Variants in KIZ observed in about 807,000 individuals in gnomAD.
The protein encoded by KIZ is centrosomal protein kizuna.
In KIZ, 68 loss-of-function variants were observed where a neutral mutation model predicts 79.6. That is an observed-to-expected ratio of 0.85 (90% CI 0.70 to 1.05). KIZ has a LOEUF of 1.05. KIZ is among the 50% of genes least tolerant of loss of function. The pLI is 0.00. For missense variants in KIZ, 797 were observed against 800.4 expected (o/e 1.00, Z 0.05); for synonymous variants, 280 against 281.8 (o/e 0.99, Z 0.06).
chr20:21,215,438 T>C (rs2036245770), intron 8 of KIZ, 145 bp from the exon 9 acceptor site: 1 of 419,374 alleles, frequency 2.4e-6, no homozygotes, highest in South Asian at 4.7e-5. Context: ...TTAGAATAGG[T>C]TTCCTTTTAG....
In KIZ at chr20:21,212,059, A is replaced by T. The variant is rs2036091181; in HGVS notation, c.1447-2476A>T. Among the ~76,000 whole-genome samples, 5 of 152,354 alleles carry T rather than the reference A, an allele frequency of 3.3e-5. 1 individual carries two copies. In the South Asian group the frequency reaches 8.3e-4, roughly 25 times the overall value. ...AGCCAAGATCCCGCCACTGCACTCCAGCTTGGGCAAGAGAGAGAGACTCTG... is the reference window on the plus strand; with the variant it reads ...AGCCAAGATCCCGCCACTGCACTCCTGCTTGGGCAAGAGAGAGAGACTCTG... On this transcript the variant is annotated intron_variant, in intron 7 of 12. Coordinates refer to ENST00000619189, the MANE Select transcript of KIZ (RefSeq NM_018474.6).
At chr20:21,138,137 C>T (rs997688232) in intron 3 of KIZ, among the ~76,000 whole-genome samples, 6 of 152,162 alleles carry the variant, frequency 3.9e-5, no homozygotes, top group Non-Finnish European at 8.8e-5. Context: ...CTTATTTTTC[C>T]AGACTAGGAG....
chr20:21,130,633 CT>C (rs951473358), intron 1 of KIZ, among the ~76,000 whole-genome samples: 9 of 149,562 alleles, frequency 6.0e-5, no homozygotes, highest in Middle Eastern at 3.5e-3. Context: ...TCCTTTTAAT[CT>C]TTTTTTTTTC....
chr20:21,154,265 T>G (rs2033264020), intron 4 of KIZ: 1 of 152,212 alleles, frequency 6.6e-6, no homozygotes, highest in South Asian at 2.1e-4. Context: ...GTGTAACTTT[T>G]TTTTCAAAGT....
chr20:21,172,604 A>C (rs1215086146), intron 6 of KIZ, among the ~76,000 whole-genome samples: 1 of 152,144 alleles, frequency 6.6e-6, no homozygotes, highest in Non-Finnish European at 1.5e-5. Context: ...GTCTCAAAAA[A>C]AAAAAGTATT....
chr20:21,225,412 T>C (rs1452854901), intron 9 of KIZ, among the ~76,000 whole-genome samples: 3 of 152,168 alleles, frequency 2.0e-5, no homozygotes, highest in East Asian at 1.9e-4. Context: ...ACTTTACTAA[T>C]GGGGGGAAGT....
At chr20:21,223,417 C>A (rs567736454) in intron 9 of KIZ, among the ~76,000 whole-genome samples, 1 of 152,270 alleles carries the variant, frequency 6.6e-6, no homozygotes, top group African/African-American at 2.4e-5. Flanking sequence ...TTAGGCGGGT[C>A]TCTTCTCGTG....
intron 6 of KIZ, among the ~76,000 whole-genome samples, chr20:21,173,701 T>C (rs28623580): frequency 0.015 from 2,216 of 151,590 alleles, 65 homozygotes; most frequent in African/African-American, 0.052. Flanking sequence ...TTTATTGAGA[T>C]AAGGAACATG....
chr20:21,134,660 GTTT>G (rs537989513), intron 2 of KIZ, among the ~76,000 whole-genome samples: 2 of 130,498 alleles, frequency 1.5e-5, no homozygotes, highest in Non-Finnish European at 1.6e-5. Flanking sequence ...CATCTTTCAG[GTTT>G]TTTTTTTTTT....
At chr20:21,239,193 A>G (rs2037133764) in intron 11 of KIZ, among the ~76,000 whole-genome samples, 1 of 152,226 alleles carries the variant, frequency 6.6e-6, no homozygotes, top group African/African-American at 2.4e-5. Flanking sequence ...TTGGAGAGGT[A>G]GGGAACTTGC....
At chr20:21,161,515 A>C (rs2033656112) in intron 4 of KIZ, among the ~76,000 whole-genome samples, 1 of 152,064 alleles carries the variant, frequency 6.6e-6, no homozygotes, top group African/African-American at 2.4e-5. Context: ...TATTTTTAGC[A>C]GAGACGGGGT....
chr20:21,233,109 T>C (rs938643130), intron 11 of KIZ, among the ~76,000 whole-genome samples: 3 of 152,234 alleles, frequency 2.0e-5, no homozygotes, highest in African/African-American at 7.2e-5. Context: ...GCAGTAGGAC[T>C]GCTTAGAGAC....
chr20:21,198,841 T>A (rs1284292568), intron 6 of KIZ: 4 of 152,652 alleles, frequency 2.6e-5, no homozygotes, highest in African/African-American at 9.7e-5. Flanking sequence ...AAACCCTCTT[T>A]CAGTTTTTAT....
At chr20:21,126,015 G>A (rs1434294674), upstream of KIZ, 6 of 1,335,372 alleles carry the variant, frequency 4.5e-6, no homozygotes, top group Admixed American at 1.1e-4. Context: ...AGGCGGCCCG[G>A]CGCGGTGTTT....
chr20:21,188,041 A>C (rs1239284235), intron 6 of KIZ, among the ~76,000 whole-genome samples: 2 of 152,216 alleles, frequency 1.3e-5, no homozygotes, highest in African/African-American at 2.4e-5. Flanking sequence ...TCTCAGAGGT[A>C]AGCTTTAGAA....
In KIZ at chr20:21,161,995, A is replaced by G. The variant is rs752863255; in HGVS notation, c.530A>G (p.His177Arg). The change falls in exon 5 of 13, where the codon CAC becomes CGC. Residue 177 changes from histidine (H) to arginine (R), a missense_variant. By Grantham distance (29) the His-to-Arg change is conservative. Transcript: ENST00000619189. ...AGCATGAGAGATTTCAGTACAGAGCACAAATCTCCCCAGCCCACAAAGAAC... is the reference window on the plus strand; with the variant it reads ...AGCATGAGAGATTTCAGTACAGAGCGCAAATCTCCCCAGCCCACAAAGAAC... ...ILSMRDFSTE[H>R]KSPQPTKNFS... The G allele has an allele frequency of 1.2e-6, 2 of 1,614,008 alleles. No homozygotes were observed. The highest frequency in any genetic ancestry group is 2.2e-5 in the East Asian group (1 of 44,866).
At chr20:21,138,084 T>G (rs1429965371) in intron 3 of KIZ, among the ~76,000 whole-genome samples, 1 of 145,974 alleles carries the variant, frequency 6.9e-6, no homozygotes, top group African/African-American at 2.5e-5. Context: ...AATATTTAAT[T>G]TTCAGCTCGT....
intron 9 of KIZ, chr20:21,225,995 T>C (rs1434672728): frequency 6.6e-6 from 1 of 152,264 alleles, no homozygotes; most frequent in African/African-American, 2.4e-5. Context: ...TAGCTTGTAT[T>C]CTTTGGCTGC....
intron 6 of KIZ, among the ~76,000 whole-genome samples, chr20:21,191,809 T>A (rs1175286035): frequency 2.6e-5 from 4 of 151,922 alleles, no homozygotes; most frequent in Admixed American, 2.6e-4. Flanking sequence ...AAGTTTGTTT[T>A]GTTTTTTGGA....
Sources: allele counts gnomAD v4.1 joint callset (sites outside exome capture counted in the v4.1 genomes callset), GRCh38; gene constraint gnomAD v4.1.1; transcripts MANE v1.5; gene names NCBI Gene and HGNC (gene_info 2026-07-23, HGNC 2026-07-21).